Variants in URI1 observed in about 807,000 individuals in gnomAD.
URI1 encodes URI1 prefoldin like chaperone, also known as unconventional prefoldin RPB5 interactor 1.
Under a neutral mutation model 60.2 loss-of-function variants are expected in URI1, and 39 were observed. The observed-to-expected ratio is 0.65, with a 90% CI of 0.50 to 0.85. The LOEUF (loss-of-function observed/expected upper bound fraction) is 0.85. Among genes scored for constraint, URI1 ranks in the 40% least tolerant of loss-of-function variants. The pLI, the probability that URI1 is intolerant of heterozygous loss-of-function variation, is 0.00. For synonymous variants in URI1, 251 were observed against 236.8 expected (o/e 1.06, Z -0.55); for missense variants, 691 against 665.9 (o/e 1.04, Z -0.42).
chr19:29,993,554 T>G (rs1018093943), intron 4 of URI1, among the ~76,000 whole-genome samples: 1 of 152,160 alleles, frequency 6.6e-6, no homozygotes, highest in African/African-American at 2.4e-5. Flanking sequence ...TAGGCAGATT[T>G]CAGAAGAAAG....
At chr19:29,955,121 ATT>A (rs376817578) in intron 1 of URI1, among the ~76,000 whole-genome samples, 7 of 140,830 alleles carry the variant, frequency 5.0e-5, no homozygotes, top group African/African-American at 2.6e-5. Flanking sequence ...AGCCAAGCTA[ATT>A]TTTTTTTTTT....
At chr19:29,980,781 G>T (rs976878974) in intron 2 of URI1, among the ~76,000 whole-genome samples, 1 of 151,540 alleles carries the variant, frequency 6.6e-6, no homozygotes, top group Non-Finnish European at 1.5e-5. Flanking sequence ...AATTAGCCGG[G>T]TGCGGTGGCG....
rs2055159710 is a variant in URI1 at position 29,949,984 on chromosome 19, G to GT, written c.117+7321dup. Reference sequence around the variant, plus strand: ...CTTATTTTTTAAGAAAGGCACAGTTGTAAGAATATGTTTGCTTGTATAGCC... The same window carrying GT: ...CTTATTTTTTAAGAAAGGCACAGTTGTTAAGAATATGTTTGCTTGTATAGCC... On this transcript the variant is annotated intron_variant, in intron 1 of 10. Coordinates refer to ENST00000392271, the MANE Select transcript of URI1 (RefSeq NM_003796.3). Among the ~76,000 whole-genome samples the GT allele has an allele frequency of 2.6e-5, 4 of 152,210 alleles. No homozygotes were observed. In the South Asian group the frequency reaches 8.3e-4, roughly 31 times the overall value.
chr19:30,007,770 A>G (rs1201174974), intron 7 of URI1, 132 bp downstream of exon 7: 1 of 739,148 alleles, frequency 1.4e-6, no homozygotes, highest in Non-Finnish European at 2.0e-6. Flanking sequence ...TATTATCAAT[A>G]ATCCTTTCAC....
chr19:29,986,195 G>T, intron 3 of URI1, 87 bp from the exon 4 acceptor site: 1 of 1,311,184 alleles, frequency 7.6e-7, no homozygotes, highest in Non-Finnish European at 1.0e-6. Flanking sequence ...ATTCAGTTAT[G>T]TAAGGCTTTT....
intron 1 of URI1, among the ~76,000 whole-genome samples, chr19:29,952,015 C>T (rs2055186485): frequency 6.6e-6 from 1 of 152,162 alleles, no homozygotes; most frequent in African/African-American, 2.4e-5. Context: ...GTGCTGATTG[C>T]TGCTGGGGTG....
At chr19:29,945,754 C>A (rs1383156281) in intron 1 of URI1, among the ~76,000 whole-genome samples, 1 of 151,952 alleles carries the variant, frequency 6.6e-6, no homozygotes, top group Non-Finnish European at 1.5e-5. Context: ...TAGGGTGGTT[C>A]CAGTTACGTT....
At chr19:30,002,562 C>A (rs1394126738) in intron 4 of URI1, among the ~76,000 whole-genome samples, 1 of 151,920 alleles carries the variant, frequency 6.6e-6, no homozygotes, top group Non-Finnish European at 1.5e-5. Context: ...AAAACTATAC[C>A]TCATTCTATA....
rs1568406622 is a variant in URI1 at position 29,942,417 on chromosome 19, C to T, written c.-131C>T. 6.1e-6 allele frequency: 6 copies of T among 982,708 alleles called. No individual in the cohort carries two copies. In the African/African-American group the frequency reaches 7.0e-5, roughly 12 times the overall value. The allele number at this position is 982,708 out of a possible 1,614,324, so 60.9% of individuals were successfully genotyped here. On this transcript the variant is annotated 5_prime_UTR_variant, in exon 1 of 11. Coordinates refer to ENST00000392271, the MANE Select transcript of URI1 (RefSeq NM_003796.3). ...CGCGAACAGCAGCGGCGGCGGCGGGCGCGGCCTCCTGGGCGCGGGGCGCGC... is the reference window on the plus strand; with the variant it reads ...CGCGAACAGCAGCGGCGGCGGCGGGTGCGGCCTCCTGGGCGCGGGGCGCGC...
chr19:29,979,928 AT>A (rs1442827445), intron 2 of URI1, among the ~76,000 whole-genome samples: 1 of 152,176 alleles, frequency 6.6e-6, no homozygotes, highest in Non-Finnish European at 1.5e-5. Flanking sequence ...GTACATTTAA[AT>A]TTTCCATGAG....
intron 8 of URI1, among the ~76,000 whole-genome samples, chr19:30,010,421 G>C (rs1324388503): frequency 6.6e-6 from 1 of 152,018 alleles, no homozygotes; most frequent in African/African-American, 2.4e-5. Flanking sequence ...TGATTAGCCA[G>C]AAAAAAAGGT....
chr19:29,942,947 C>T (rs1413716802), intron 1 of URI1, among the ~76,000 whole-genome samples: 2 of 152,228 alleles, frequency 1.3e-5, no homozygotes, highest in African/African-American at 4.8e-5. Flanking sequence ...ACGCTGTCAA[C>T]GGAAGCGTTC....
At chr19:29,935,701 T>C (rs2054963276) in intron 1 of URI1, among the ~76,000 whole-genome samples, 1 of 130,364 alleles carries the variant, frequency 7.7e-6, no homozygotes. Flanking sequence ...GTTGACAGTC[T>C]TTTTTTTTTT....
intron 6 of URI1, among the ~76,000 whole-genome samples, chr19:30,006,052 T>C (rs960344518): frequency 1.3e-5 from 2 of 152,100 alleles, no homozygotes; most frequent in South Asian, 2.1e-4. Flanking sequence ...TCCTAAGATA[T>C]CTTTTGCTAG....
intron 1 of URI1, among the ~76,000 whole-genome samples, chr19:29,924,486 G>T (rs1300992846): frequency 6.6e-6 from 1 of 152,134 alleles, no homozygotes; most frequent in Non-Finnish European, 1.5e-5. Flanking sequence ...TAGCCACCTC[G>T]CTTTCATCCC....
chr19:29,970,570 A>C (rs1310045713), intron 1 of URI1, among the ~76,000 whole-genome samples: 1 of 152,078 alleles, frequency 6.6e-6, no homozygotes, highest in African/African-American at 2.4e-5. Context: ...TAGTATTATA[A>C]ACATAGTTTA....
At chr19:30,014,812 C>A in intron 10 of URI1, 75 bp from the exon 11 acceptor site, 2 of 1,413,888 alleles carry the variant, frequency 1.4e-6, no homozygotes, top group Non-Finnish European at 9.6e-7. Context: ...AAAGAATTGC[C>A]AAATGAGTGA....
intron 6 of URI1, among the ~76,000 whole-genome samples, chr19:30,005,937 G>A (rs189501656): frequency 4.6e-5 from 7 of 152,080 alleles, no homozygotes; most frequent in Admixed American, 4.6e-4. Flanking sequence ...GGATTACATG[G>A]CTTTTTTCTC....
chr19:29,946,943 AG>A (rs1568409687), intron 1 of URI1, among the ~76,000 whole-genome samples: 1 of 152,176 alleles, frequency 6.6e-6, no homozygotes, highest in Non-Finnish European at 1.5e-5. Context: ...GGTGTTTGGT[AG>A]GTAAGGCTAA....
Sources: gnomAD v4.1 joint callset for allele counts (sites outside exome capture counted in the v4.1 genomes callset) on GRCh38, gnomAD v4.1.1 for gene constraint, MANE v1.5 for transcripts, NCBI Gene and HGNC (gene_info 2026-07-23, HGNC 2026-07-21) for gene names.